ZFP82: variants seen among roughly 807,000 people sequenced by gnomAD.
ZFP82 encodes the protein ZFP82 zinc finger protein, also known as zinc finger protein 82 homolog.
ZFP82 carries 30 observed loss-of-function variants against 54.0 expected under a neutral mutation model. The ratio of observed to expected loss-of-function variants is 0.56; its 90% confidence interval spans 0.42 to 0.75. The LOEUF is 0.75. ZFP82 is among the 30% of genes least tolerant of loss of function. The pLI is 0.00. For synonymous variants in ZFP82, 194 were observed against 209.5 expected (o/e 0.93, Z 0.64); for missense variants, 500 against 636.8 (o/e 0.79, Z 2.31).
intron 4 of ZFP82, among the ~76,000 whole-genome samples, chr19:36,403,107 A>G (rs2145589517): frequency 6.6e-6 from 1 of 152,056 alleles, no homozygotes; most frequent in Non-Finnish European, 1.5e-5. Context: ...ACGCCACTGC[A>G]CTCCAGGCTA....
chr19:36,403,017 C>G (rs1467932139), intron 4 of ZFP82, among the ~76,000 whole-genome samples: 2 of 151,966 alleles, frequency 1.3e-5, no homozygotes, highest in African/African-American at 4.8e-5. Flanking sequence ...GTGGCGGGCG[C>G]CTGTAGTTCC....
At chr19:36,411,607 T>C (rs1037030608) in intron 1 of ZFP82, among the ~76,000 whole-genome samples, 1 of 152,190 alleles carries the variant, frequency 6.6e-6, no homozygotes, top group Middle Eastern at 3.4e-3. Context: ...GTTGACCTTG[T>C]TCATAATGGA....
Position 36,407,917 on chromosome 19 carries a change from A to C in ZFP82, c.106T>G (p.Leu36Val). The C allele has an allele frequency of 6.2e-7, 1 of 1,614,146 alleles. No individual in the cohort carries two copies. Among genetic ancestry groups the C allele is most frequent in the Non-Finnish European group, 8.5e-7 (1 of 1,179,968 alleles). ...EQKDLYRDVMLENYSNLVSLG... is the reference protein window; with the variant it reads ...EQKDLYRDVMVENYSNLVSLG... ...GAGACCAAGTTGCTGTAGTTCTCCA[A>C]CATGACATCTCTGTACAAGTCCTTT... Residue 36 changes from leucine (L) to valine (V), a missense_variant, in exon 3 of 5, where the codon TTG (leucine) becomes GTG (valine). Transcript: ENST00000392161.
At chr19:36,397,651 C>T (rs1226300810) in intron 4 of ZFP82, among the ~76,000 whole-genome samples, 2 of 151,890 alleles carry the variant, frequency 1.3e-5, no homozygotes, top group Admixed American at 6.6e-5. Flanking sequence ...ACCTGCACCT[C>T]CACCCGCTGG....
intron 1 of ZFP82, among the ~76,000 whole-genome samples, chr19:36,414,364 C>CTTT (rs1233064068): frequency 7.6e-6 from 1 of 130,988 alleles, no homozygotes; most frequent in Admixed American, 7.8e-5. Flanking sequence ...TGTAATTCTA[C>CTTT]TTTTTTTTTT....
At chr19:36,414,825 CT>C (rs11445531) in intron 1 of ZFP82, among the ~76,000 whole-genome samples, 107 of 142,364 alleles carry the variant, frequency 7.5e-4, no homozygotes, top group Admixed American at 6.3e-4. Flanking sequence ...ATATTAAATA[CT>C]TTTTTTTTTT....
chr19:36,415,497 T>C (rs1473938410), intron 1 of ZFP82, among the ~76,000 whole-genome samples: 1 of 151,800 alleles, frequency 6.6e-6, no homozygotes, highest in Non-Finnish European at 1.5e-5. Flanking sequence ...AAGCAATTCT[T>C]CTGCCTCAGC....
At chr19:36,388,431 A>C (rs1048234850), downstream of ZFP82, among the ~76,000 whole-genome samples, 1 of 152,116 alleles carries the variant, frequency 6.6e-6, no homozygotes, top group Admixed American at 6.5e-5. Flanking sequence ...AAACAAGATC[A>C]TAACTGTACA....
downstream of ZFP82, chr19:36,383,656 C>T (rs989595877): frequency 6.6e-6 from 1 of 151,898 alleles, no homozygotes; most frequent in Non-Finnish European, 1.5e-5. Context: ...ACCTGATTGC[C>T]TAGAAAACCA....
In ZFP82 at chr19:36,393,105, T is replaced by C; in HGVS notation, c.1235A>G (p.His412Arg). 1 of 1,614,094 alleles carries C rather than the reference T, an allele frequency of 6.2e-7. No homozygotes were observed. The highest frequency in any genetic ancestry group is 8.5e-7 in the Non-Finnish European group (1 of 1,179,996). The change falls in exon 5 of 5, where the codon CAT becomes CGT. Residue 412 changes from histidine to arginine, a missense_variant. By Grantham distance (29) the His-to-Arg change is conservative. Transcript: ENST00000392161. ...AFSRYSQLIS[H>R]QSIHIGVKPY... is the part of the protein sequence containing the mutation. ...CTTAACACCAATATGAATACTCTGA[T>C]GTGAAATAAGTTGTGAGTAGCGACT... is the stretch of plus-strand genomic sequence containing the variant.
At chr19:36,417,787 AC>A (rs780524805) in intron 1 of ZFP82, among the ~76,000 whole-genome samples, 2 of 152,188 alleles carry the variant, frequency 1.3e-5, no homozygotes, top group Non-Finnish European at 2.9e-5. Flanking sequence ...TGGTTCTGAA[AC>A]CTGCAGCTGG....
In ZFP82 at chr19:36,404,128, T is replaced by C. The variant is rs976954643; in HGVS notation, c.229+1452A>G. The stretch of plus-strand genomic sequence containing the variant: ...ACTTGATTGGTTGTTTACCACTATA[T>C]TGATAGTGTCTGTGACAGTGCCCAG... On this transcript the variant is annotated intron_variant, in intron 4 of 4. Coordinates refer to ENST00000392161, the MANE Select transcript of ZFP82 (RefSeq NM_133466.4). 3.9e-5 allele frequency among the ~76,000 whole-genome samples: 6 copies of C among 152,290 alleles called. No homozygotes were observed. The East Asian group carries it at 5.8e-4, about 15-fold the overall frequency.
chr19:36,395,826 CAA>C (rs1158609657), intron 4 of ZFP82: 1 of 151,926 alleles, frequency 6.6e-6, no homozygotes, highest in Non-Finnish European at 1.5e-5. Flanking sequence ...CCTGAAAATT[CAA>C]AAGTCTATAT....
chr19:36,409,934 C>T (rs2032549051), intron 1 of ZFP82, 67 bp from the exon 2 acceptor site: 19 of 796,774 alleles, frequency 2.4e-5, no homozygotes, highest in Non-Finnish European at 3.5e-5. Flanking sequence ...ATTTGAGTTA[C>T]TGTGACCTTT....
At chr19:36,416,548 G>A (rs1050661638) in intron 1 of ZFP82, among the ~76,000 whole-genome samples, 1 of 151,880 alleles carries the variant, frequency 6.6e-6, no homozygotes, top group African/African-American at 2.4e-5. Context: ...CCTGAGGTCG[G>A]GAGTTCAAGA....
chr19:36,418,249 C>T (rs533386363), intron 1 of ZFP82, among the ~76,000 whole-genome samples: 1 of 151,898 alleles, frequency 6.6e-6, no homozygotes, highest in Admixed American at 6.6e-5. Flanking sequence ...GAGTCTTTGG[C>T]GTGCAGAAAC....
At chr19:36,411,365 A>G (rs778145491) in intron 1 of ZFP82, among the ~76,000 whole-genome samples, 7 of 151,808 alleles carry the variant, frequency 4.6e-5, no homozygotes, top group Non-Finnish European at 7.4e-5. Flanking sequence ...TGATTCACTA[A>G]AAAAAAATAA....
chr19:36,415,270 G>C (rs950936996), intron 1 of ZFP82, among the ~76,000 whole-genome samples: 5 of 152,238 alleles, frequency 3.3e-5, no homozygotes, highest in Non-Finnish European at 7.3e-5. Flanking sequence ...ATTTATTGTG[G>C]ATGGTGAGAC....
At chr19:36,387,861 G>A (rs4425007), downstream of ZFP82, among the ~76,000 whole-genome samples, 1,520 of 152,216 alleles carry the variant, frequency 1.0e-2, 19 homozygotes, top group African/African-American at 0.033. Flanking sequence ...TGATCCACCC[G>A]CCTCAGCCTC....
Sources: gnomAD v4.1 joint callset for allele counts (sites outside exome capture counted in the v4.1 genomes callset) on GRCh38, gnomAD v4.1.1 for gene constraint, MANE v1.5 for transcripts, NCBI Gene and HGNC (gene_info 2026-07-23, HGNC 2026-07-21) for gene names.